Variants in GABRA2 observed in about 807,000 individuals in gnomAD.
GABRA2 encodes the protein gamma-aminobutyric acid type A receptor subunit alpha2.
GABRA2 carries 16 observed loss-of-function variants against 48.7 expected under a neutral mutation model. That is an observed-to-expected ratio of 0.33 (90% CI 0.22 to 0.50). The LOEUF is 0.50. Ranked by LOEUF, GABRA2 falls within the 20% of genes least tolerant of loss-of-function variation. GABRA2 has a pLI of 0.98. For synonymous variants in GABRA2, 185 were observed against 184.5 expected, an observed-to-expected ratio of 1.00 and a Z score of -0.02; for missense variants, 275 against 535.6, an observed-to-expected ratio of 0.51 and a Z score of 4.80.
Position 46,292,916 on chromosome 4 carries a change from A to G in GABRA2, c.856+10544T>C, listed in dbSNP as rs182030705. ...TCTGTATGTCAGATCTAACAGTGACAATTGCAGTCACTCAACTACAAAATT... is the reference window on the plus strand; with the variant it reads ...TCTGTATGTCAGATCTAACAGTGACGATTGCAGTCACTCAACTACAAAATT... On this transcript the variant is annotated intron_variant, in intron 8 of 9. Coordinates refer to ENST00000381620, the MANE Select transcript of GABRA2 (RefSeq NM_000807.4). Among the ~76,000 whole-genome samples the G allele has an allele frequency of 2.3e-3, 345 of 152,280 alleles. 1 individual carries two copies. Among genetic ancestry groups the G allele is most frequent in the African/African-American group, 7.8e-3 (324 of 41,572 alleles).
intron 3 of GABRA2, chr4:46,367,456 GA>G (rs1273157734): frequency 9.2e-5 from 14 of 152,086 alleles, no homozygotes; most frequent in African/African-American, 3.4e-4. Context: ...TACTGTCACG[GA>G]GGTTGAAATT....
intron 3 of GABRA2, among the ~76,000 whole-genome samples, chr4:46,371,777 A>G (rs758791958): frequency 7.9e-5 from 12 of 152,216 alleles, no homozygotes; most frequent in Non-Finnish European, 1.2e-4. Flanking sequence ...AATAAAGTTT[A>G]CCACCACCAC....
At chr4:46,353,205 A>C (rs982951773) in intron 3 of GABRA2, among the ~76,000 whole-genome samples, 3 of 152,190 alleles carry the variant, frequency 2.0e-5, no homozygotes, top group Non-Finnish European at 4.4e-5. Flanking sequence ...TTTCACACCC[A>C]TATCCAATCC....
intron 4 of GABRA2, among the ~76,000 whole-genome samples, chr4:46,321,245 G>C (rs1560524809): frequency 6.6e-6 from 1 of 151,652 alleles, no homozygotes; most frequent in Admixed American, 6.6e-5. Context: ...TGTGAAGAGG[G>C]AAAAAATGGG....
Position 46,317,738 on chromosome 4 carries a change from A to G in GABRA2, c.256-5022T>C, listed in dbSNP as rs536800564. ...CCACACTCTGCCTAATATGAGCCCTACATGAGCCAGGTAAAAAAAAATGGT... is the reference window on the plus strand; with the variant it reads ...CCACACTCTGCCTAATATGAGCCCTGCATGAGCCAGGTAAAAAAAAATGGT... On this transcript the variant is annotated intron_variant, in intron 4 of 9. Coordinates refer to ENST00000381620, the MANE Select transcript of GABRA2 (RefSeq NM_000807.4). Among the ~76,000 whole-genome samples, 58 of 151,786 alleles carry G rather than the reference A, an allele frequency of 3.8e-4. No homozygotes were observed. In the South Asian group the frequency reaches 0.012, roughly 30 times the overall value.
intron 9 of GABRA2, chr4:46,256,477 A>G: frequency 2.5e-6 from 1 of 398,966 alleles, no homozygotes; most frequent in Non-Finnish European, 4.4e-6. Context: ...AAAAAATAAA[A>G]CATTTGTTTT....
chr4:46,296,825 T>G (rs769011490), intron 8 of GABRA2, among the ~76,000 whole-genome samples: 6 of 152,182 alleles, frequency 3.9e-5, no homozygotes, highest in Admixed American at 6.5e-5. Flanking sequence ...TTGTTAAAAA[T>G]GTTTGTGCAT....
chr4:46,263,433 C>T (rs1426382055), intron 8 of GABRA2, among the ~76,000 whole-genome samples: 1 of 152,002 alleles, frequency 6.6e-6, no homozygotes, highest in Non-Finnish European at 1.5e-5. Flanking sequence ...TGTTCACATT[C>T]ATTCTTTTGC....
intron 3 of GABRA2, chr4:46,368,191 T>C (rs1037102907): frequency 6.6e-6 from 1 of 152,066 alleles, no homozygotes; most frequent in African/African-American, 2.4e-5. Flanking sequence ...TAAAACTGGA[T>C]AGTTATTACT....
At chr4:46,265,488 AT>A (rs1718015649) in intron 8 of GABRA2, among the ~76,000 whole-genome samples, 1 of 21,726 alleles carries the variant, frequency 4.6e-5, no homozygotes, top group African/African-American at 3.4e-4. Context: ...TGTATATATT[AT>A]ATATATATAT....
Position 46,250,102 on chromosome 4 carries a change from G to T in GABRA2, c.*206C>A. Reference sequence around the variant, plus strand: ...GGGTAAATCTTTAAAAAAGGCAATGGCTGTTTTCGCATGGAGTGCTTTCTG... The same window carrying T: ...GGGTAAATCTTTAAAAAAGGCAATGTCTGTTTTCGCATGGAGTGCTTTCTG... On this transcript the variant is annotated 3_prime_UTR_variant, in exon 10 of 10. Transcript: ENST00000381620. 2 of 491,324 alleles carry T rather than the reference G, an allele frequency of 4.1e-6. No homozygotes were observed. The highest frequency in any genetic ancestry group is 7.2e-6 in the Non-Finnish European group (2 of 277,138). 30.4% of individuals were successfully genotyped at this position (491,324 alleles called of 1,614,324 possible). A position where few individuals can be genotyped will look rare whatever the true frequency, so the allele number is the denominator to read the frequency against.
chr4:46,352,486 AT>A (rs1335978533), intron 3 of GABRA2, among the ~76,000 whole-genome samples: 2 of 152,052 alleles, frequency 1.3e-5, no homozygotes, highest in African/African-American at 4.8e-5. Flanking sequence ...GTTTTTATGT[AT>A]CCCATCTGTA....
chr4:46,325,262 CT>C (rs374695014), intron 4 of GABRA2, among the ~76,000 whole-genome samples: 33 of 151,904 alleles, frequency 2.2e-4, no homozygotes, highest in African/African-American at 8.0e-4. Context: ...TAATTTTTTA[CT>C]TTTTATAATT....
chr4:46,253,270 T>C (rs1327710807), intron 9 of GABRA2, among the ~76,000 whole-genome samples: 2 of 151,360 alleles, frequency 1.3e-5, no homozygotes, highest in East Asian at 3.9e-4. Context: ...GTTGCACATA[T>C]ATGCTCAGGA....
intron 8 of GABRA2, among the ~76,000 whole-genome samples, chr4:46,291,841 C>A (rs1209187928): frequency 6.8e-6 from 1 of 147,234 alleles, no homozygotes; most frequent in Admixed American, 6.9e-5. Context: ...TAGTTCTGTC[C>A]CTCTAGAGAA....
intron 3 of GABRA2, among the ~76,000 whole-genome samples, chr4:46,347,275 G>C (rs528032876): frequency 6.6e-6 from 1 of 151,904 alleles, no homozygotes; most frequent in Non-Finnish European, 1.5e-5. Context: ...AAAATATCTT[G>C]AATAGCCAAA....
At position 46,244,114 on chromosome 4, in the gene GABRA2, T is replaced by C. The variant is rs764982691; in HGVS notation, c.*6194A>G. 2.0e-5 allele frequency: 3 copies of C among 151,462 alleles called. No homozygotes were observed. The highest frequency in any genetic ancestry group is 4.4e-5 in the Non-Finnish European group (3 of 67,608). 9.4% of individuals were successfully genotyped at this position (151,462 alleles called of 1,614,324 possible). ...TTAACAAGCAATAAGGACTTAACTG[T>C]GGATGGTAAAGTTTAATTCATGAGA... On this transcript the variant is annotated 3_prime_UTR_variant, in exon 10 of 10. Transcript: ENST00000381620.
intron 8 of GABRA2, among the ~76,000 whole-genome samples, chr4:46,266,578 T>C (rs1447414880): frequency 6.6e-6 from 1 of 151,424 alleles, no homozygotes; most frequent in Non-Finnish European, 1.5e-5. Context: ...CCTTTGGCAT[T>C]CCACAGTTTT....
rs181731091 is a variant in GABRA2, at chr4:46,280,505, C to T, written c.857-18377G>A. ...AAGGACTTACTGATTTCTGAAGAGT[C>T]TTTGGCTTTTACTTTGAGTATATTG... On this transcript the variant is annotated intron_variant, in intron 8 of 9. Transcript: ENST00000381620. Among the ~76,000 whole-genome samples, 54 of 152,240 alleles carry T rather than the reference C, an allele frequency of 3.5e-4. No homozygotes were observed. In the Middle Eastern group the frequency reaches 0.014, roughly 38 times the overall value.
Sources: allele counts gnomAD v4.1 joint callset (sites outside exome capture counted in the v4.1 genomes callset), GRCh38; gene constraint gnomAD v4.1.1; transcripts MANE v1.5; gene names NCBI Gene and HGNC (gene_info 2026-07-23, HGNC 2026-07-21).